The following FSTL4 variants were observed in gnomAD, a reference collection of about 807,000 sequenced individuals.
The protein encoded by FSTL4 is follistatin-related protein 4.
Under a neutral mutation model 78.2 loss-of-function variants are expected in FSTL4, and 28 were observed. That is an observed-to-expected ratio of 0.36 (90% CI 0.27 to 0.49). The LOEUF (loss-of-function observed/expected upper bound fraction) is 0.49, where lower values mean the gene tolerates loss of function less well. Ranked by LOEUF, FSTL4 falls within the 20% of genes least tolerant of loss-of-function variation. FSTL4 has a pLI of 0.98. For synonymous variants in FSTL4, 422 were observed against 440.5 expected, an observed-to-expected ratio of 0.96 and a Z score of 0.53; for missense variants, 922 against 1,084.9, an observed-to-expected ratio of 0.85 and a Z score of 2.11.
At chr5:133,378,179 T>A (rs1403417213) in intron 4 of FSTL4, among the ~76,000 whole-genome samples, 1 of 151,816 alleles carries the variant, frequency 6.6e-6, no homozygotes, top group Non-Finnish European at 1.5e-5. Context: ...CAGATGGTAA[T>A]CACATCTACA....
At chr5:133,366,705 T>A (rs543923904) in intron 4 of FSTL4, among the ~76,000 whole-genome samples, 1 of 151,710 alleles carries the variant, frequency 6.6e-6, no homozygotes, top group African/African-American at 2.4e-5. Flanking sequence ...GAATCTGAAC[T>A]CACTGCAGCT....
the FSTL4 span, among the ~76,000 whole-genome samples, chr5:133,796,889 C>G: frequency 9.2e-5 from 14 of 152,204 alleles, no homozygotes; most frequent in African/African-American, 3.4e-4. Context: ...CCCCTCCTGT[C>G]TGTGTCACTG....
chr5:133,733,877 C>T, the FSTL4 span, among the ~76,000 whole-genome samples: 1 of 152,154 alleles, frequency 6.6e-6, no homozygotes. Context: ...TGCTCTTCCA[C>T]GTGGGCCCAC....
intron 3 of FSTL4, among the ~76,000 whole-genome samples, chr5:133,566,081 G>A (rs1170845103): frequency 6.6e-6 from 1 of 152,162 alleles, no homozygotes; most frequent in East Asian, 1.9e-4. Flanking sequence ...AGGACATCGA[G>A]TCCGAAGCCG....
the FSTL4 span, among the ~76,000 whole-genome samples, chr5:133,837,397 TCTC>T: frequency 6.6e-6 from 1 of 152,206 alleles, no homozygotes; most frequent in Admixed American, 6.5e-5. Flanking sequence ...GTAAGTCTAT[TCTC>T]CTACAGGCAT....
chr5:133,731,544 A>G, the FSTL4 span, among the ~76,000 whole-genome samples: 1 of 152,224 alleles, frequency 6.6e-6, no homozygotes, highest in African/African-American at 2.4e-5. Flanking sequence ...GGCTTCTTAG[A>G]GAGATGATAG....
chr5:133,383,874 T>C (rs984773569), intron 4 of FSTL4, among the ~76,000 whole-genome samples: 22 of 152,224 alleles, frequency 1.4e-4, no homozygotes, highest in African/African-American at 5.3e-4. Context: ...CTCTGTGCTC[T>C]GCCACTCCTC....
chr5:133,249,689 G>A (rs999577002), intron 6 of FSTL4, 113 bp from the exon 7 acceptor site: 13 of 735,140 alleles, frequency 1.8e-5, no homozygotes, highest in Middle Eastern at 3.9e-4. Flanking sequence ...AGGGCTTCAC[G>A]ACTCCCTGAA....
rs536828048 is a variant in FSTL4, at chr5:133,398,571, C to T, written c.409+2167G>A. On this transcript the variant is annotated intron_variant, in intron 4 of 15. Coordinates refer to ENST00000265342, the MANE Select transcript of FSTL4 (RefSeq NM_015082.2). The stretch of plus-strand genomic sequence containing the variant: ...TCTCTCTACTCTCGGCCTGTGGCCA[C>T]GCTGGATTAGAATAAATAATGATGG... 2.6e-4 allele frequency among the ~76,000 whole-genome samples: 39 copies of T among 152,336 alleles called. No individual in the cohort carries two copies. The South Asian group carries it at 5.2e-3, about 20-fold the overall frequency.
chr5:133,590,529 C>A (rs1370049205), intron 2 of FSTL4, among the ~76,000 whole-genome samples: 3 of 152,088 alleles, frequency 2.0e-5, no homozygotes, highest in African/African-American at 7.2e-5. Context: ...GAAGAGGCAT[C>A]TGGTCAAGCC....
At chr5:133,299,542 A>T (rs929495547) in intron 6 of FSTL4, among the ~76,000 whole-genome samples, 2 of 152,154 alleles carry the variant, frequency 1.3e-5, no homozygotes, top group African/African-American at 4.8e-5. Context: ...CAGCCTCTGA[A>T]TGATGGAGAG....
At position 133,198,284 on chromosome 5, in the gene FSTL4, A is replaced by G. The variant is rs1750201666; in HGVS notation, c.*811T>C. ...CCAACACAGAACCGAGTCCTTACGG[A>G]TGAGGTGGCCTGGTCTGCTCTTGGA... On this transcript the variant is annotated 3_prime_UTR_variant, in exon 16 of 16. Coordinates refer to ENST00000265342, the MANE Select transcript of FSTL4 (RefSeq NM_015082.2). 6.6e-6 allele frequency: 1 copy of G among 152,384 alleles called. No individual in the cohort carries two copies. Among genetic ancestry groups the G allele is most frequent in the Admixed American group, 6.6e-5 (1 of 15,264 alleles). 9.4% of individuals were successfully genotyped at this position (152,384 alleles called of 1,614,324 possible).
chr5:133,813,125 C>T, the FSTL4 span, among the ~76,000 whole-genome samples: 1 of 150,556 alleles, frequency 6.6e-6, no homozygotes, highest in Non-Finnish European at 1.5e-5. Context: ...TCAGCAGCCT[C>T]CTGTCCAATG....
chr5:133,385,058 C>A (rs373980850), intron 4 of FSTL4, among the ~76,000 whole-genome samples: 73 of 152,276 alleles, frequency 4.8e-4, no homozygotes, highest in African/African-American at 1.7e-3. Flanking sequence ...TCCGTTGTCG[C>A]GCTCCCCACC....
chr5:133,695,681 T>C, the FSTL4 span, among the ~76,000 whole-genome samples: 1 of 152,084 alleles, frequency 6.6e-6, no homozygotes, highest in Non-Finnish European at 1.5e-5. Flanking sequence ...ATCATCAGGA[T>C]CCTGAGGCAA....
the FSTL4 span, among the ~76,000 whole-genome samples, chr5:133,789,604 T>C: frequency 1.3e-5 from 2 of 152,264 alleles, no homozygotes; most frequent in East Asian, 3.9e-4. Flanking sequence ...AAGAGATTGG[T>C]GTATTAGTTG....
At chr5:133,510,532 C>G (rs544716570) in intron 3 of FSTL4, among the ~76,000 whole-genome samples, 2 of 152,150 alleles carry the variant, frequency 1.3e-5, no homozygotes, top group South Asian at 2.1e-4. Context: ...CAACAATGTT[C>G]CCAGCCTTCC....
At chr5:133,804,067 T>C in the FSTL4 span, among the ~76,000 whole-genome samples, 1 of 152,204 alleles carries the variant, frequency 6.6e-6, no homozygotes, top group African/African-American at 2.4e-5. Flanking sequence ...ATCCTGAATG[T>C]AGCCTTTCTG....
intron 3 of FSTL4, among the ~76,000 whole-genome samples, chr5:133,522,428 A>T (rs969812201): frequency 6.6e-5 from 10 of 152,226 alleles, no homozygotes; most frequent in African/African-American, 9.6e-5. Flanking sequence ...TTTAAAAAAT[A>T]AAAAATGCAA....
Sources: allele counts gnomAD v4.1 joint callset (sites outside exome capture counted in the v4.1 genomes callset), GRCh38; gene constraint gnomAD v4.1.1; transcripts MANE v1.5; gene names NCBI Gene and HGNC (gene_info 2026-07-23, HGNC 2026-07-21).